IMMP2L: variants seen among roughly 807,000 people sequenced by gnomAD.
IMMP2L encodes inner mitochondrial membrane peptidase subunit 2.
A neutral mutation model predicts 19.3 loss-of-function variants in IMMP2L; 18 were observed. The ratio of observed to expected loss-of-function variants is 0.93; its 90% CI spans 0.64 to 1.38. IMMP2L has a LOEUF of 1.38. Ranked by LOEUF, IMMP2L falls within the 40% of genes most tolerant of loss-of-function variation. The probability of loss-of-function intolerance (pLI) is 0.00; values close to 1 mark genes in which losing one functional copy is unlikely to be tolerated. For missense variants in IMMP2L, 233 were observed against 218.2 expected (o/e 1.07, Z -0.43); for synonymous variants, 76 against 73.0 (o/e 1.04, Z -0.21).
At chr7:110,716,163 C>T (rs532569507) in intron 5 of IMMP2L, among the ~76,000 whole-genome samples, 18 of 151,784 alleles carry the variant, frequency 1.2e-4, no homozygotes, top group African/African-American at 3.6e-4. Context: ...ATCTGTCTGT[C>T]GTGCAAATGG....
rs557813613 is a variant in IMMP2L at position 111,000,165 on chromosome 7, A to G, written c.240-36600T>C. On this transcript the variant is annotated intron_variant, in intron 3 of 5. Transcript: ENST00000405709. The stretch of plus-strand genomic sequence containing the variant: ...AGAAATTGGGGAGAGGAATGGAGGC[A>G]ATTTCAATTAATCCCTGTTTACATC... Among the ~76,000 whole-genome samples the G allele has an allele frequency of 9.2e-5, 14 of 152,286 alleles. No homozygotes were observed. In the East Asian group the frequency reaches 2.5e-3, roughly 27 times the overall value.
In IMMP2L at chr7:110,663,071, T is replaced by G. The variant is rs1463515782; in HGVS notation, c.*531A>C. Reference sequence around the variant, plus strand: ...GACCTTAGCAAATCATTGTTTTATTTTAACATCACTGTTTACTGTTCTTCC... The same window carrying G: ...GACCTTAGCAAATCATTGTTTTATTGTAACATCACTGTTTACTGTTCTTCC... On this transcript the variant is annotated 3_prime_UTR_variant, in exon 6 of 6. Transcript: ENST00000405709. The G allele has an allele frequency of 6.5e-6, 1 of 153,560 alleles. No individual in the cohort carries two copies. Among genetic ancestry groups the G allele is most frequent in the African/African-American group, 2.4e-5 (1 of 41,462 alleles). The allele number at this position is 153,560 out of a possible 1,614,324, so 9.5% of individuals were successfully genotyped here. A position where few individuals can be genotyped will look rare whatever the true frequency, so the allele number is the denominator to read the frequency against.
intron 5 of IMMP2L, among the ~76,000 whole-genome samples, chr7:110,860,566 G>A (rs147358190): frequency 1.0e-3 from 153 of 152,130 alleles, no homozygotes; most frequent in African/African-American, 3.4e-3. Flanking sequence ...GTACAATAAA[G>A]GTATTATCAG....
intron 3 of IMMP2L, among the ~76,000 whole-genome samples, chr7:111,269,705 G>A (rs1482338013): frequency 2.0e-5 from 3 of 152,034 alleles, no homozygotes; most frequent in South Asian, 2.1e-4. Context: ...ATGAAATTAT[G>A]TTATCAAAAT....
intron 3 of IMMP2L, among the ~76,000 whole-genome samples, chr7:111,319,695 A>C (rs1824476760): frequency 6.6e-6 from 1 of 152,112 alleles, no homozygotes; most frequent in African/African-American, 2.4e-5. Flanking sequence ...TATTTTAGAA[A>C]AGAAGCAATT....
chr7:111,522,162 C>T (rs144209220), intron 1 of IMMP2L, among the ~76,000 whole-genome samples: 14 of 152,210 alleles, frequency 9.2e-5, no homozygotes, highest in Non-Finnish European at 1.6e-4. Context: ...AGATAAATCA[C>T]TTGCGCTGTT....
chr7:111,439,020 T>C (rs1462012766), intron 3 of IMMP2L, among the ~76,000 whole-genome samples: 3 of 151,860 alleles, frequency 2.0e-5, no homozygotes, highest in Non-Finnish European at 4.4e-5. Context: ...AACAAAAGAA[T>C]GTGGACACAA....
At chr7:110,894,138 T>G (rs566289846) in intron 4 of IMMP2L, among the ~76,000 whole-genome samples, 2 of 152,096 alleles carry the variant, frequency 1.3e-5, no homozygotes, top group Non-Finnish European at 2.9e-5. Flanking sequence ...CTCCCCTACA[T>G]GTCATTCATG....
chr7:111,199,359 A>C (rs1809854064), intron 3 of IMMP2L, among the ~76,000 whole-genome samples: 1 of 152,106 alleles, frequency 6.6e-6, no homozygotes, highest in South Asian at 2.1e-4. Context: ...ACCTTCACAC[A>C]CTGTCAGCAA....
intron 4 of IMMP2L, among the ~76,000 whole-genome samples, chr7:110,921,970 A>G (rs1814342739): frequency 6.6e-6 from 1 of 152,180 alleles, no homozygotes. Context: ...TGTACTGCAA[A>G]GAGCTTGCAC....
chr7:111,507,678 T>A (rs1845057808), intron 2 of IMMP2L, among the ~76,000 whole-genome samples: 2 of 152,106 alleles, frequency 1.3e-5, no homozygotes, highest in Admixed American at 1.3e-4. Flanking sequence ...ATAGTACCAA[T>A]TTTTGTTTCA....
At chr7:111,235,853 T>C (rs1345318550) in intron 3 of IMMP2L, among the ~76,000 whole-genome samples, 1 of 152,092 alleles carries the variant, frequency 6.6e-6, no homozygotes, top group South Asian at 2.1e-4. Context: ...AGTTCACTGA[T>C]TGTCTCTTTT....
At chr7:110,793,100 C>G (rs1322068368) in intron 5 of IMMP2L, among the ~76,000 whole-genome samples, 1 of 152,010 alleles carries the variant, frequency 6.6e-6, no homozygotes, top group East Asian at 1.9e-4. Context: ...AGAAACTGGT[C>G]AAAATGTATC....
At chr7:111,260,747 A>G (rs1200563306) in intron 3 of IMMP2L, among the ~76,000 whole-genome samples, 1 of 152,146 alleles carries the variant, frequency 6.6e-6, no homozygotes, top group African/African-American at 2.4e-5. Context: ...CTAAAGGAGT[A>G]TACAATCGAA....
intron 3 of IMMP2L, among the ~76,000 whole-genome samples, chr7:110,986,576 T>C (rs181834496): frequency 2.7e-4 from 41 of 152,282 alleles, no homozygotes; most frequent in African/African-American, 9.4e-4. Context: ...TTAGAGCTTG[T>C]CACCTATTAT....
chr7:110,735,062 A>T (rs371104236), intron 5 of IMMP2L, among the ~76,000 whole-genome samples: 11 of 152,200 alleles, frequency 7.2e-5, no homozygotes, highest in African/African-American at 2.4e-4. Context: ...TGACACTTAC[A>T]TAGCCAGCTC....
At chr7:111,417,498 T>C (rs1169388625) in intron 3 of IMMP2L, among the ~76,000 whole-genome samples, 1 of 151,840 alleles carries the variant, frequency 6.6e-6, no homozygotes, top group Non-Finnish European at 1.5e-5. Context: ...CTTCTAGGAA[T>C]ACATCCCTTT....
chr7:111,456,545 T>A (rs1476562193), intron 3 of IMMP2L, among the ~76,000 whole-genome samples: 1 of 152,178 alleles, frequency 6.6e-6, no homozygotes, highest in Non-Finnish European at 1.5e-5. Flanking sequence ...AACACTAAGG[T>A]CTTTTCCAAA....
intron 4 of IMMP2L, among the ~76,000 whole-genome samples, chr7:110,907,461 T>C (rs1355521277): frequency 6.6e-6 from 1 of 152,038 alleles, no homozygotes; most frequent in African/African-American, 2.4e-5. Context: ...CTTCTCCTCC[T>C]CTCTACTGGC....
Sources: allele counts gnomAD v4.1 joint callset (sites outside exome capture counted in the v4.1 genomes callset), GRCh38; gene constraint gnomAD v4.1.1; transcripts MANE v1.5; gene names NCBI Gene and HGNC (gene_info 2026-07-23, HGNC 2026-07-21).